DSP: variants seen among roughly 807,000 people sequenced by gnomAD.
The protein encoded by DSP is desmoplakin.
In DSP, 114 loss-of-function variants were observed where a neutral mutation model predicts 290.6. The observed-to-expected ratio is 0.39, with a 90% CI of 0.34 to 0.46. DSP has a LOEUF of 0.46. DSP is among the 20% of genes least tolerant of loss of function. The probability of loss-of-function intolerance (pLI) is 0.99; values close to 1 mark genes in which losing one functional copy is unlikely to be tolerated. For synonymous variants in DSP, 1,311 were observed against 1,316.4 expected (o/e 1.00, Z 0.09); for missense variants, 3,230 against 3,495.8 (o/e 0.92, Z 1.92).
At chr6:7,545,064 TAG>T (rs1452387818) in intron 1 of DSP, among the ~76,000 whole-genome samples, 24 of 152,358 alleles carry the variant, frequency 1.6e-4, no homozygotes, top group Admixed American at 8.5e-4. Context: ...GTCTCACAGT[TAG>T]ATCTTTCTTT....
rs1759483467 is a variant in DSP, at chr6:7,582,817, GCC to G, written c.5556_5557del (p.Leu1853GlyfsTer3). The G allele has an allele frequency of 6.2e-7, 1 of 1,613,934 alleles. No individual in the cohort carries two copies. ...GAGGCAGAAACCAGGGTGAAACAGCGCCTGGAGTGTGAGAAACAGCAAATTCA... is the reference window on the plus strand; with the variant it reads ...GAGGCAGAAACCAGGGTGAAACAGCGTGGAGTGTGAGAAACAGCAAATTCA... On this transcript the variant is annotated frameshift_variant, in exon 24 of 24. Transcript: ENST00000379802. LOFTEE classifies it high-confidence loss of function. This position sits in a 1 kb window ranked among gnomAD's most constrained non-coding sequence, Gnocchi z 4.2.
chr6:7,544,946 A>G (rs997769568), intron 1 of DSP, among the ~76,000 whole-genome samples: 19 of 152,200 alleles, frequency 1.2e-4, no homozygotes, highest in Non-Finnish European at 2.6e-4. Flanking sequence ...TTCTTCTTGG[A>G]TAGGACATTA....
Position 7,565,259 on chromosome 6 carries a change from T to G in DSP, c.778-100T>G. The G allele has an allele frequency of 2.7e-6, 4 of 1,496,088 alleles. No individual in the cohort carries two copies. The Admixed American group carries it at 6.8e-5, about 25-fold the overall frequency. The allele number at this position is 1,496,088 out of a possible 1,614,324, so 92.7% of individuals were successfully genotyped here. On this transcript the variant is annotated intron_variant, in intron 6 of 23. Transcript: ENST00000379802. This position sits in a 1 kb window ranked among gnomAD's most constrained non-coding sequence, Gnocchi z 4.2. Reference sequence around the variant, plus strand: ...TTAACATTTTTCCTATCCGTGTGATTTTTTTTTTAAAGGGACCACAGGTTT... The same window carrying G: ...TTAACATTTTTCCTATCCGTGTGATGTTTTTTTTAAAGGGACCACAGGTTT...
At chr6:7,556,328 T>A (rs981573293) in intron 2 of DSP, among the ~76,000 whole-genome samples, 1 of 152,178 alleles carries the variant, frequency 6.6e-6, no homozygotes, top group Non-Finnish European at 1.5e-5. Context: ...CCTTGCGATG[T>A]TTCTTAAGAT....
chr6:7,575,233 G>A, intron 17 of DSP, 62 bp from the exon 18 acceptor site: 1 of 1,569,902 alleles, frequency 6.4e-7, no homozygotes, highest in Non-Finnish European at 8.8e-7. Context: ...TTGGTGACTT[G>A]TAGTGTAGCA....
Position 7,581,247 on chromosome 6 carries a change from A to G in DSP, c.5057A>G (p.Gln1686Arg), listed in dbSNP as rs573110383. The change falls in exon 23 of 24, where the codon CAG (glutamine) becomes CGG (arginine). Residue 1686 changes from glutamine (Q) to arginine (R), a missense_variant. This residue lies in a region of DSP where 1,714 missense variants were observed against 1,844.5 expected (regional missense o/e 0.93). Transcript: ENST00000379802. ...KQAHLRNEHFQKAIEDKSRSL... is the reference protein window; with the variant it reads ...KQAHLRNEHFRKAIEDKSRSL... ...GCTCACTTGAGGAATGAGCATTTCC[A>G]GAAGGCGATAGAAGATAAAAGCAGA... 6.2e-7 allele frequency: 1 copy of G among 1,614,190 alleles called. No homozygotes were observed. Among genetic ancestry groups the G allele is most frequent in the Non-Finnish European group, 8.5e-7 (1 of 1,180,042 alleles).
chr6:7,579,608 G>T lies in DSP; in HGVS notation c.3418G>T (p.Asp1140Tyr). The T allele has an allele frequency of 1.9e-6, 3 of 1,613,940 alleles. No individual in the cohort carries two copies. The South Asian group carries it at 3.3e-5, about 18-fold the overall frequency. ...DRFDQQKNDY[D>Y]QLQKARQCEK... ...ATTTGACCAACAGAAGAATGACTAT[G>T]ACCAACTGCAGAAAGCAAGGCAATG... The change falls in exon 23 of 24, where the codon GAC becomes TAC. Residue 1140 changes from aspartate to tyrosine, a missense_variant. Physicochemically the swap from Asp to Tyr is radical, Grantham distance 160. Transcript: ENST00000379802. The surrounding 1 kb of genome is among the most constrained non-coding windows in gnomAD (Gnocchi z 4.1).
In DSP at chr6:7,570,633, A is replaced by G. The variant is rs1239022975; in HGVS notation, c.1701+70A>G. ...CTGCCCCCCGCAGTGCCTGTGTCCA[A>G]CAGTTCAACCTTCTTGCTGTGTAGC... On this transcript the variant is annotated intron_variant, in intron 13 of 23. Coordinates refer to ENST00000379802, the MANE Select transcript of DSP (RefSeq NM_004415.4). 1.6e-5 allele frequency: 26 copies of G among 1,603,740 alleles called. No homozygotes were observed. In the East Asian group the frequency reaches 4.0e-4, roughly 25 times the overall value.
At position 7,582,307 on chromosome 6, in the gene DSP, G is replaced by C. The variant is rs1234925880; in HGVS notation, c.5380-335G>C. Among the ~76,000 whole-genome samples, 1 of 150,242 alleles carries C rather than the reference G, an allele frequency of 6.7e-6. No homozygotes were observed. Among genetic ancestry groups the C allele is most frequent in the African/African-American group, 2.4e-5 (1 of 40,996 alleles). ...ATCTAGCTGTAACAGGTGAGATGTA[G>C]GTGTAGCAGGTATGATAACCTGAAA... On this transcript the variant is annotated intron_variant, in intron 23 of 23. Coordinates refer to ENST00000379802, the MANE Select transcript of DSP (RefSeq NM_004415.4). This position sits in a 1 kb window ranked among gnomAD's most constrained non-coding sequence, Gnocchi z 4.2.
At chr6:7,560,155 C>T (rs570936391) in intron 4 of DSP, among the ~76,000 whole-genome samples, 1 of 152,260 alleles carries the variant, frequency 6.6e-6, no homozygotes, top group Admixed American at 6.5e-5. Flanking sequence ...CTAACCCTTC[C>T]CTTGAGAATG....
chr6:7,554,082 AACACACAC>A (rs10658102), intron 1 of DSP, among the ~76,000 whole-genome samples: 200 of 115,942 alleles, frequency 1.7e-3, no homozygotes, highest in Admixed American at 2.9e-3. Flanking sequence ...CTTTCTTTAA[AACACACAC>A]ACACACACAC....
Position 7,585,940 on chromosome 6 carries a change from A to G in DSP, c.*62A>G. 1 of 1,528,872 alleles carries G rather than the reference A, an allele frequency of 6.5e-7. No homozygotes were observed. Among genetic ancestry groups the G allele is most frequent in the Non-Finnish European group, 9.0e-7 (1 of 1,111,790 alleles). 94.7% of individuals were successfully genotyped at this position (1,528,872 alleles called of 1,614,324 possible). On this transcript the variant is annotated 3_prime_UTR_variant, in exon 24 of 24. Transcript: ENST00000379802. Reference sequence around the variant, plus strand: ...TTTATATGAATTTCCACTTTATTAAATAATAGAAAAGAAAATCCCGGTGCT... The same window carrying G: ...TTTATATGAATTTCCACTTTATTAAGTAATAGAAAAGAAAATCCCGGTGCT...
At position 7,574,771 on chromosome 6, in the gene DSP, G is replaced by A. The variant is rs773330932; in HGVS notation, c.2412G>A (p.Val804=). ...CTGTCTGCCTGGACCTGGATAAAGT[G>A]GAAGCTTACCGCTGTGGACTGAAGG... is the stretch of plus-strand genomic sequence containing the variant. ...EETVCLDLDK[V]EAYRCGLKKI... The change falls in exon 17 of 24, where the codon GTG becomes GTA. Residue 804 remains valine (V), a synonymous_variant. Transcript: ENST00000379802. 15 of 1,614,166 alleles carry A rather than the reference G, an allele frequency of 9.3e-6. No homozygotes were observed. Among genetic ancestry groups the A allele is most frequent in the Admixed American group, 1.7e-5 (1 of 60,018 alleles).
Position 7,541,998 on chromosome 6 carries a change from A to C in DSP, c.83A>C (p.Tyr28Ser). The C allele has an allele frequency of 6.3e-7, 1 of 1,599,154 alleles. No individual in the cohort carries two copies. The highest frequency in any genetic ancestry group is 8.5e-7 in the Non-Finnish European group (1 of 1,174,124). Residue 28 changes from tyrosine (Y) to serine (S), a missense_variant, in exon 1 of 24, where the codon TAC becomes TCC. Tyr to Ser is a moderately radical substitution (Grantham distance 144). Transcript: ENST00000379802. ...IRAESGPDLR[Y>S]EVTSGGGGTS... ...GCCGAGTCTGGCCCGGACCTGCGCT[A>C]CGAGGTGACCAGCGGCGGCGGGGGC... is the stretch of plus-strand genomic sequence containing the variant.
chr6:7,567,466 A>T lies in DSP; in HGVS notation c.1140+17A>T. ...TACTTTCAGGTTTTTATATTTAGTG[A>T]TAATTTTGTTGTTATTTAGGTCTTA... On this transcript the variant is annotated intron_variant, in intron 9 of 23. Coordinates refer to ENST00000379802, the MANE Select transcript of DSP (RefSeq NM_004415.4). 1 of 1,603,994 alleles carries T rather than the reference A, an allele frequency of 6.2e-7. No individual in the cohort carries two copies. The highest frequency in any genetic ancestry group is 8.5e-7 in the Non-Finnish European group (1 of 1,171,522).
Position 7,584,800 on chromosome 6 carries a change from G to A in DSP, c.7538G>A (p.Gly2513Asp), listed in dbSNP as rs762409762. The A allele has an allele frequency of 6.2e-7, 1 of 1,614,180 alleles. No homozygotes were observed. The highest frequency in any genetic ancestry group is 1.7e-5 in the Admixed American group (1 of 60,028). The stretch of plus-strand genomic sequence containing the variant: ...GAAATAACCATCACGGGATCAGATG[G>A]CTCCACCAGGGTGGTCCTGGTAGAT... ...WEEITITGSD[G>D]STRVVLVDRK... The change falls in exon 24 of 24, where the codon GGC becomes GAC. Residue 2513 changes from glycine to aspartate, a missense_variant. Around this residue, in one of 5 missense-constraint regions of DSP, gnomAD observed 582 missense variants for 555.4 expected, o/e 1.05. Coordinates refer to ENST00000379802, the MANE Select transcript of DSP (RefSeq NM_004415.4). This position sits in a 1 kb window ranked among gnomAD's most constrained non-coding sequence, Gnocchi z 6.4.
intron 15 of DSP, 33 bp downstream of exon 15, chr6:7,572,101 C>A: frequency 6.4e-7 from 1 of 1,569,488 alleles, no homozygotes; most frequent in South Asian, 1.1e-5. Context: ...CCTGGTTACC[C>A]TGTATATTTT....
intron 1 of DSP, among the ~76,000 whole-genome samples, chr6:7,546,707 C>G (rs1027982030): frequency 2.0e-5 from 3 of 152,158 alleles, no homozygotes; most frequent in African/African-American, 7.2e-5. Flanking sequence ...TGTTGAATTC[C>G]TCAGTCTGCG....
intron 6 of DSP, among the ~76,000 whole-genome samples, chr6:7,564,757 A>G (rs1420555045): frequency 6.6e-6 from 1 of 152,202 alleles, no homozygotes; most frequent in Non-Finnish European, 1.5e-5. Context: ...ATCATTATAC[A>G]TTGTATACAT....
Sources: allele counts gnomAD v4.1 joint callset (sites outside exome capture counted in the v4.1 genomes callset), GRCh38; gene constraint gnomAD v4.1.1; regional missense constraint gnomAD v4.1.1; non-coding constraint Gnocchi (gnomAD v3.1); transcripts MANE v1.5; gene names NCBI Gene and HGNC (gene_info 2026-07-23, HGNC 2026-07-21).